The following ABR variants were observed in gnomAD, a reference collection of about 807,000 sequenced individuals.
ABR encodes the protein active breakpoint cluster region-related protein.
Under a neutral mutation model 107.2 loss-of-function variants are expected in ABR, and 35 were observed. The ratio of observed to expected loss-of-function variants is 0.33; its 90% CI spans 0.25 to 0.43. ABR has a LOEUF of 0.43. Among genes scored for constraint, ABR ranks in the 20% least tolerant of loss-of-function variants. The probability of loss-of-function intolerance (pLI) is 1.00; values close to 1 mark genes in which losing one functional copy is unlikely to be tolerated. For missense variants in ABR, 815 were observed against 1,115.2 expected (o/e 0.73, Z 3.83); for synonymous variants, 498 against 462.0 (o/e 1.08, Z -1.00).
At chr17:1,171,241 C>A (rs1427598694) in intron 1 of ABR, among the ~76,000 whole-genome samples, 1 of 152,208 alleles carries the variant, frequency 6.6e-6, no homozygotes, top group African/African-American at 2.4e-5. Flanking sequence ...TCCCCGTAAT[C>A]TCGATCCATT....
chr17:1,059,133 C>A (rs1018797968), intron 10 of ABR, among the ~76,000 whole-genome samples: 5 of 152,064 alleles, frequency 3.3e-5, no homozygotes, highest in Non-Finnish European at 7.4e-5. Context: ...ATGTCCCCAA[C>A]CACCTTCTCT....
chr17:1,077,790 G>T (rs1204133953), intron 6 of ABR, among the ~76,000 whole-genome samples: 1 of 152,174 alleles, frequency 6.6e-6, no homozygotes, highest in African/African-American at 2.4e-5. Flanking sequence ...CGAAACACCT[G>T]GTGGGAAGGA....
At chr17:1,073,698 A>G (rs751161430) in intron 6 of ABR, 21 bp from the exon 7 acceptor site, 30 of 1,593,206 alleles carry the variant, frequency 1.9e-5, no homozygotes, top group South Asian at 4.5e-5. Context: ...AGACAGGGAG[A>G]AGGAGGAAGA....
chr17:1,106,547 T>TTG (rs2038262350), intron 2 of ABR, among the ~76,000 whole-genome samples: 1 of 148,464 alleles, frequency 6.7e-6, no homozygotes, highest in Non-Finnish European at 1.5e-5. Context: ...TTTTTTTTTT[T>TTG]GAGACTGAGT....
At position 1,114,036 on chromosome 17, in the gene ABR, T is replaced by C. The variant is rs535557839; in HGVS notation, c.246+11147A>G. Reference sequence around the variant, plus strand: ...TTAAAAAATAATTAGCTGAGTGTGGTGGCATGCTCTTGTGGTCCCGGCTTC... The same window carrying C: ...TTAAAAAATAATTAGCTGAGTGTGGCGGCATGCTCTTGTGGTCCCGGCTTC... On this transcript the variant is annotated intron_variant, in intron 2 of 22. Coordinates refer to ENST00000302538, the MANE Select transcript of ABR (RefSeq NM_021962.5). 2.8e-4 allele frequency among the ~76,000 whole-genome samples: 43 copies of C among 151,924 alleles called. 1 individual carries two copies. In the South Asian group the frequency reaches 8.9e-3, roughly 32 times the overall value.
At chr17:1,218,757 T>A (rs1404423920) in intron 1 of ABR, among the ~76,000 whole-genome samples, 1 of 152,186 alleles carries the variant, frequency 6.6e-6, no homozygotes, top group African/African-American at 2.4e-5. Context: ...TCTTTATGAT[T>A]TGAAATAATG....
intron 16 of ABR, among the ~76,000 whole-genome samples, chr17:1,028,864 C>T (rs1402994441): frequency 6.9e-6 from 1 of 145,090 alleles, no homozygotes; most frequent in Non-Finnish European, 1.5e-5. Flanking sequence ...CCCCGACAGA[C>T]AAATGCTTCT....
Position 1,079,579 on chromosome 17 carries a change from G to A in ABR, c.640-189C>T, listed in dbSNP as rs536668660. ...CGTGGTGGGCGGATCACCTGAGGTC[G>A]GAAGTTCGAGACCAGCCTGGTCAAC... On this transcript the variant is annotated intron_variant, in intron 5 of 22. Transcript: ENST00000302538. Among the ~76,000 whole-genome samples the A allele has an allele frequency of 8.5e-5, 13 of 152,076 alleles. No homozygotes were observed. In the East Asian group the frequency reaches 1.4e-3, roughly 16 times the overall value.
At chr17:1,149,522 A>T (rs2040710857) in intron 1 of ABR, among the ~76,000 whole-genome samples, 1 of 150,074 alleles carries the variant, frequency 6.7e-6, no homozygotes, top group Non-Finnish European at 1.5e-5. Flanking sequence ...GGTTCAAGAG[A>T]TTCTCCTGTC....
intron 1 of ABR, among the ~76,000 whole-genome samples, chr17:1,147,927 G>C (rs1341830628): frequency 6.6e-6 from 1 of 152,202 alleles, no homozygotes; most frequent in Non-Finnish European, 1.5e-5. Flanking sequence ...ATGTCTTCCA[G>C]CAAGTAAGTA....
chr17:1,054,438 G>C (rs2032974262), intron 14 of ABR, among the ~76,000 whole-genome samples: 1 of 152,190 alleles, frequency 6.6e-6, no homozygotes, highest in Non-Finnish European at 1.5e-5. Flanking sequence ...TAACCAGCTT[G>C]CCCTGAGCAG....
rs148076079 is a variant in ABR at position 1,095,734 on chromosome 17, G to A, written c.346-3884C>T. ...GGCCTGGGCCGGTTCTCACTTGCCA[G>A]TGGGACTTCACATAGCCGTTTGTCA... On this transcript the variant is annotated intron_variant, in intron 3 of 22. Transcript: ENST00000302538. Among the ~76,000 whole-genome samples, 228 of 152,320 alleles carry A rather than the reference G, an allele frequency of 1.5e-3. 1 individual carries two copies. The highest frequency in any genetic ancestry group is 4.5e-3 in the African/African-American group (187 of 41,574).
At chr17:1,054,640 AACCTC>A (rs1237334061) in intron 14 of ABR, among the ~76,000 whole-genome samples, 2 of 20,644 alleles carry the variant, frequency 9.7e-5, no homozygotes, top group Non-Finnish European at 2.1e-4. Context: ...GGGCACAAGG[AACCTC>A]AGGGGATGGG....
At chr17:1,030,971 C>G (rs2072683260) in intron 16 of ABR, among the ~76,000 whole-genome samples, 2 of 152,254 alleles carry the variant, frequency 1.3e-5, no homozygotes, top group African/African-American at 2.4e-5. Context: ...AGCTGCAGGA[C>G]AGTCGGCTTC....
chr17:1,024,788 A>C (rs1434390406), intron 16 of ABR, among the ~76,000 whole-genome samples: 15 of 147,762 alleles, frequency 1.0e-4, no homozygotes, highest in East Asian at 4.0e-4. Flanking sequence ...TCCCACAAAA[A>C]AAAAAAAAAA....
At chr17:1,057,868 G>A (rs775156657) in intron 12 of ABR, 102 bp downstream of exon 12, 6 of 1,070,488 alleles carry the variant, frequency 5.6e-6, no homozygotes, top group East Asian at 2.4e-5. Flanking sequence ...GGGTGACTGC[G>A]AGGGCCAAAG....
rs1420848459 is a variant in ABR at position 1,004,901 on chromosome 17, G to T, written c.*1179C>A. 2.0e-5 allele frequency: 8 copies of T among 397,580 alleles called. No homozygotes were observed. Among genetic ancestry groups the T allele is most frequent in the Non-Finnish European group, 4.4e-6 (1 of 225,722 alleles). 24.6% of individuals were successfully genotyped at this position (397,580 alleles called of 1,614,324 possible). A position where few individuals can be genotyped will look rare whatever the true frequency, so the allele number is the denominator to read the frequency against. On this transcript the variant is annotated 3_prime_UTR_variant, in exon 23 of 23. Transcript: ENST00000302538. ...CCGTGGCAGTGCTTGGCTGTGGAGT[G>T]TGTGTAAAATCTAAGGCAAGAGTAC... is the stretch of plus-strand genomic sequence containing the variant.
In ABR at chr17:1,017,242, G is replaced by A. The variant is rs148253225; in HGVS notation, c.1792-4078C>T. Among the ~76,000 whole-genome samples, 219 of 152,088 alleles carry A rather than the reference G, an allele frequency of 1.4e-3. 3 individuals carry two copies. The highest frequency in any genetic ancestry group is 4.9e-3 in the African/African-American group (204 of 41,416). On this transcript the variant is annotated intron_variant, in intron 16 of 22. Transcript: ENST00000302538. ...GCCCCAGCTCTGGCCTTACTTTCCC[G>A]AAACCTCTCTCCCCTCTAAGCTGCT...
At chr17:1,047,666 A>C (rs139547792) in intron 16 of ABR, among the ~76,000 whole-genome samples, 2 of 152,210 alleles carry the variant, frequency 1.3e-5, no homozygotes, top group South Asian at 4.1e-4. Context: ...GGCATTTAAC[A>C]TTCCTCGAAG....
Sources: gnomAD v4.1 joint callset for allele counts (sites outside exome capture counted in the v4.1 genomes callset) on GRCh38, gnomAD v4.1.1 for gene constraint, MANE v1.5 for transcripts, NCBI Gene and HGNC (gene_info 2026-07-23, HGNC 2026-07-21) for gene names.